The following TBC1D1 variants were observed in gnomAD, a reference collection of about 807,000 sequenced individuals.
The protein encoded by TBC1D1 is TBC1 domain family member 1, also known as TBC1 (tre-2/USP6, BUB2, cdc16) domain family, member 1.
A neutral mutation model predicts 125.6 loss-of-function variants in TBC1D1; 89 were observed. The observed-to-expected ratio is 0.71, with a 90% CI of 0.60 to 0.85. The LOEUF is 0.85. Ranked by LOEUF, TBC1D1 falls within the 40% of genes least tolerant of loss-of-function variation. The pLI, the probability that TBC1D1 is intolerant of heterozygous loss-of-function variation, is 0.00. For missense variants in TBC1D1, 1,377 were observed against 1,469.2 expected (o/e 0.94, Z 1.03); for synonymous variants, 565 against 564.1 (o/e 1.00, Z -0.02).
intron 2 of TBC1D1, among the ~76,000 whole-genome samples, chr4:37,923,189 G>A (rs1721386786): frequency 6.6e-6 from 1 of 151,934 alleles, no homozygotes; most frequent in Admixed American, 6.6e-5. Context: ...TCCCACTTAT[G>A]AGTGAGAACA....
chr4:38,034,309 C>T (rs1460434756), intron 7 of TBC1D1, among the ~76,000 whole-genome samples: 1 of 152,222 alleles, frequency 6.6e-6, no homozygotes, highest in Non-Finnish European at 1.5e-5. Flanking sequence ...TATTGGGGTT[C>T]ACAGCCTGGA....
At chr4:37,992,010 A>C (rs1188330946) in intron 2 of TBC1D1, among the ~76,000 whole-genome samples, 1 of 152,244 alleles carries the variant, frequency 6.6e-6, no homozygotes, top group Non-Finnish European at 1.5e-5. Flanking sequence ...ACTTACAGAG[A>C]AAGAAGCCAG....
chr4:38,120,841 A>G (rs1328347088), intron 17 of TBC1D1, among the ~76,000 whole-genome samples: 1 of 152,118 alleles, frequency 6.6e-6, no homozygotes, highest in Non-Finnish European at 1.5e-5. Flanking sequence ...GGGGGAAGAA[A>G]AATCTAAAAA....
At chr4:38,127,245 G>C (rs530297250) in intron 18 of TBC1D1, among the ~76,000 whole-genome samples, 13 of 152,274 alleles carry the variant, frequency 8.5e-5, no homozygotes, top group African/African-American at 3.1e-4. Flanking sequence ...AGAATACTTA[G>C]GATACATCAG....
Position 38,111,874 on chromosome 4 carries a change from C to A in TBC1D1, c.2558-3836C>A, listed in dbSNP as rs546764789. On this transcript the variant is annotated intron_variant, in intron 15 of 19. Transcript: ENST00000261439. ...TGGGTGCAGTTGTCCTGCTTAACCG[C>A]TAATCAGGAGCTGAAGGCCAGAGAC... 2.0e-5 allele frequency: 19 copies of A among 956,436 alleles called. No homozygotes were observed. The South Asian group carries it at 7.2e-4, about 36-fold the overall frequency. 59.2% of individuals were successfully genotyped at this position (956,436 alleles called of 1,614,324 possible).
At chr4:38,026,855 ATTAAT>A (rs1470060064) in intron 6 of TBC1D1, among the ~76,000 whole-genome samples, 2 of 152,222 alleles carry the variant, frequency 1.3e-5, no homozygotes, top group Non-Finnish European at 2.9e-5. Context: ...TCTTTGTAAC[ATTAAT>A]TAAATGTAAT....
intron 5 of TBC1D1, 90 bp downstream of exon 5, chr4:38,020,785 T>C (rs1167875025): frequency 9.4e-7 from 1 of 1,062,892 alleles, no homozygotes; most frequent in Non-Finnish European, 1.4e-6. Flanking sequence ...GAAAACCAGA[T>C]GGTCATTGAC....
In TBC1D1 at chr4:38,062,986, A is replaced by G. The variant is rs566996254; in HGVS notation, c.2050+8648A>G. 2.6e-5 allele frequency among the ~76,000 whole-genome samples: 4 copies of G among 152,276 alleles called. No homozygotes were observed. The South Asian group carries it at 8.3e-4, about 32-fold the overall frequency. On this transcript the variant is annotated intron_variant, in intron 12 of 19. Transcript: ENST00000261439. ...ATACCAGCTGACCCATGACGATGCT[A>G]CAGCACCTGACAGCAGATTCCTCCT...
At chr4:37,967,621 G>A (rs1435969420) in intron 2 of TBC1D1, among the ~76,000 whole-genome samples, 1 of 152,064 alleles carries the variant, frequency 6.6e-6, no homozygotes, top group Non-Finnish European at 1.5e-5. Context: ...GTGGAAAGAG[G>A]AAGTTTGGGT....
chr4:38,076,204 G>A (rs1180285772), intron 12 of TBC1D1, among the ~76,000 whole-genome samples: 1 of 152,174 alleles, frequency 6.6e-6, no homozygotes, highest in Non-Finnish European at 1.5e-5. Flanking sequence ...CATGGCAGCA[G>A]GAGAGAGAAG....
chr4:38,029,688 T>A (rs542881630), intron 7 of TBC1D1, among the ~76,000 whole-genome samples: 1 of 152,300 alleles, frequency 6.6e-6, no homozygotes, highest in Non-Finnish European at 1.5e-5. Context: ...TTTAATCACG[T>A]TAGAGGTCTT....
At chr4:37,901,446 T>C (rs1480103445) in intron 1 of TBC1D1, among the ~76,000 whole-genome samples, 1 of 152,160 alleles carries the variant, frequency 6.6e-6, no homozygotes, top group Non-Finnish European at 1.5e-5. Flanking sequence ...TGTGAGCCAC[T>C]GCACCTGGCC....
chr4:38,061,035 A>G (rs919791353), intron 12 of TBC1D1, among the ~76,000 whole-genome samples: 10 of 152,320 alleles, frequency 6.6e-5, no homozygotes, highest in Non-Finnish European at 1.3e-4. Flanking sequence ...CATCAGGGAT[A>G]TTTTTTGAGA....
intron 1 of TBC1D1, among the ~76,000 whole-genome samples, chr4:37,897,028 CA>C (rs1371613376): frequency 6.6e-6 from 1 of 152,054 alleles, no homozygotes; most frequent in Non-Finnish European, 1.5e-5. Context: ...ACTCTACTAA[CA>C]AGAACGTTAC....
intron 10 of TBC1D1, 152 bp downstream of exon 10, chr4:38,046,055 T>A: frequency 4.4e-6 from 3 of 674,506 alleles, no homozygotes; most frequent in Non-Finnish European, 7.7e-6. Context: ...TATCATAACA[T>A]AAAAGTTTTA....
chr4:37,998,043 C>G (rs557820428), intron 2 of TBC1D1, among the ~76,000 whole-genome samples: 5 of 152,176 alleles, frequency 3.3e-5, no homozygotes, highest in African/African-American at 1.2e-4. Context: ...AACCTTTCCC[C>G]GTCCTCAGCC....
chr4:38,028,470 C>A (rs1167303783), intron 7 of TBC1D1, among the ~76,000 whole-genome samples: 1 of 152,190 alleles, frequency 6.6e-6, no homozygotes, highest in African/African-American at 2.4e-5. Flanking sequence ...AGCCCAAAAT[C>A]TCATAATGCT....
At chr4:38,068,929 G>T (rs1364107839) in intron 12 of TBC1D1, among the ~76,000 whole-genome samples, 1 of 152,208 alleles carries the variant, frequency 6.6e-6, no homozygotes, top group African/African-American at 2.4e-5. Flanking sequence ...AGCCTTCAGG[G>T]TGGTGCTTGT....
At chr4:37,904,081 T>C (rs1312782314) in intron 2 of TBC1D1, among the ~76,000 whole-genome samples, 1 of 152,188 alleles carries the variant, frequency 6.6e-6, no homozygotes, top group Non-Finnish European at 1.5e-5. Flanking sequence ...GGCAATTGAG[T>C]CTGTTTTCTT....
Sources: allele counts gnomAD v4.1 joint callset (sites outside exome capture counted in the v4.1 genomes callset), GRCh38; gene constraint gnomAD v4.1.1; transcripts MANE v1.5; gene names NCBI Gene and HGNC (gene_info 2026-07-23, HGNC 2026-07-21).